SLC4A5: variants seen among roughly 807,000 people sequenced by gnomAD.
SLC4A5 encodes the protein electrogenic sodium bicarbonate cotransporter 4.
In SLC4A5, 96 loss-of-function variants were observed where a neutral mutation model predicts 120.4. The observed-to-expected ratio is 0.80, with a 90% CI of 0.68 to 0.94. The LOEUF is 0.94. SLC4A5 is among the 40% of genes least tolerant of loss of function. SLC4A5 has a pLI of 0.00. For synonymous variants in SLC4A5, 550 were observed against 571.1 expected, an observed-to-expected ratio of 0.96 and a Z score of 0.53; for missense variants, 1,259 against 1,459.5, an observed-to-expected ratio of 0.86 and a Z score of 2.24.
chr2:74,331,221 T>C (rs979340448), intron 4 of SLC4A5, among the ~76,000 whole-genome samples: 2 of 150,730 alleles, frequency 1.3e-5, no homozygotes, highest in East Asian at 1.9e-4. Context: ...TGGTGAGGTA[T>C]AGGTGAGGGT....
chr2:74,296,135 G>A (rs1672316647), intron 7 of SLC4A5, among the ~76,000 whole-genome samples: 1 of 151,998 alleles, frequency 6.6e-6, no homozygotes, highest in African/African-American at 2.4e-5. Context: ...CTTGAGTTTT[G>A]TTTTTGTTTT....
At chr2:74,289,663 C>A (rs1240941280) in intron 7 of SLC4A5, among the ~76,000 whole-genome samples, 1 of 152,008 alleles carries the variant, frequency 6.6e-6, no homozygotes, top group African/African-American at 2.4e-5. Context: ...TGATTGCTGG[C>A]GCTTGCTAGC....
exon 29 of SLC4A5, chr2:74,222,931 C>G (rs36081793): frequency 6.2e-7 from 1 of 1,612,360 alleles, no homozygotes; most frequent in Non-Finnish European, 8.5e-7. Flanking sequence ...ATCTTTATAA[C>G]CGAGGGAGGA....
intron 12 of SLC4A5, among the ~76,000 whole-genome samples, chr2:74,256,301 T>G (rs1670963126): frequency 6.6e-6 from 1 of 152,192 alleles, no homozygotes; most frequent in Non-Finnish European, 1.5e-5. Context: ...GTCTCAGTGC[T>G]TCTACCTCAG....
chr2:74,329,717 T>C (rs922301351), intron 4 of SLC4A5, among the ~76,000 whole-genome samples: 2 of 151,254 alleles, frequency 1.3e-5, no homozygotes, highest in African/African-American at 4.9e-5. Context: ...GAGATGTATA[T>C]GGTGGTATGG....
rs146199069 is a variant in SLC4A5, at chr2:74,291,904, C to T, written c.272-6002G>A. Among the ~76,000 whole-genome samples, 458 of 152,300 alleles carry T rather than the reference C, an allele frequency of 3.0e-3. 1 individual carries two copies. Among genetic ancestry groups the T allele is most frequent in the African/African-American group, 0.01 (422 of 41,556 alleles). ...GCTCCTTCTGAGTGGCCACAGCAGG[C>T]CACACCAAGTCAGGCCCTGTGGGTG... On this transcript the variant is annotated intron_variant, in intron 7 of 30. Transcript: ENST00000394019.
intron 5 of SLC4A5, among the ~76,000 whole-genome samples, chr2:74,315,605 TATA>T (rs1390482535): frequency 6.7e-6 from 1 of 150,248 alleles, no homozygotes; most frequent in African/African-American, 2.4e-5. Flanking sequence ...ATTATGCTTA[TATA>T]ATAATATATA....
chr2:74,277,943 C>A, intron 8 of SLC4A5, among the ~76,000 whole-genome samples: 1 of 151,494 alleles, frequency 6.6e-6, no homozygotes, highest in Non-Finnish European at 1.5e-5. Context: ...CAAAAGCAAA[C>A]AAAAAAAGTG....
rs143084298 is a variant in SLC4A5 at position 74,262,147 on chromosome 2, G to A, written c.801C>T (p.Tyr267=). 3.8e-4 allele frequency: 609 copies of A among 1,613,542 alleles called. 1 individual carries two copies. Among genetic ancestry groups the A allele is most frequent in the Admixed American group, 1.8e-3 (106 of 60,000 alleles). The change falls in exon 11 of 31, where the codon TAC becomes TAT. Residue 267 remains tyrosine (Y), a synonymous_variant. Coordinates refer to ENST00000394019, the Ensembl canonical transcript of SLC4A5. ...AGAGCACACACTCACACAGACGTCC[G>A]TAATTTGCACTCTGCCGCATCCGCA... is the stretch of plus-strand genomic sequence containing the variant.
chr2:74,262,350 C>T, intron 10 of SLC4A5, 118 bp from the exon 11 acceptor site: 16 of 515,768 alleles, frequency 3.1e-5, no homozygotes, highest in Middle Eastern at 3.6e-4. Context: ...TCTTCCCCTT[C>T]TGGGAAGAAA....
rs1322200902 is a variant in SLC4A5, at chr2:74,270,342, G to A, written c.402-5078C>T. ...TCCATAGCAATGGTTTTCAACCTTG[G>A]CTGTCCATTAGAATAACTTGGAGAG... On this transcript the variant is annotated intron_variant, in intron 8 of 30. Coordinates refer to ENST00000394019, the Ensembl canonical transcript of SLC4A5. Among the ~76,000 whole-genome samples the A allele has an allele frequency of 2.6e-5, 4 of 152,304 alleles. No individual in the cohort carries two copies. In the East Asian group the frequency reaches 7.7e-4, roughly 29 times the overall value.
chr2:74,292,482 G>T (rs1672204428), intron 7 of SLC4A5, among the ~76,000 whole-genome samples: 1 of 152,164 alleles, frequency 6.6e-6, no homozygotes, highest in Non-Finnish European at 1.5e-5. Flanking sequence ...CAGCACGTCA[G>T]AAGTTAATCC....
At chr2:74,236,763 AC>A (rs141338955) in intron 21 of SLC4A5, among the ~76,000 whole-genome samples, 1 of 152,292 alleles carries the variant, frequency 6.6e-6, no homozygotes, top group East Asian at 1.9e-4. Flanking sequence ...GTAGGTTGAA[AC>A]AGTCAAATAT....
intron 6 of SLC4A5, chr2:74,307,243 G>C (rs1672671660): frequency 1.9e-6 from 1 of 520,162 alleles, no homozygotes; most frequent in African/African-American, 1.9e-5. Context: ...TTCTGAGGCA[G>C]CTAATCATAT....
intron 11 of SLC4A5, 138 bp downstream of exon 11, chr2:74,261,999 T>C (rs1197438319): frequency 5.9e-6 from 4 of 683,452 alleles, no homozygotes; most frequent in Non-Finnish European, 9.6e-6. Flanking sequence ...AGAGTGAAAG[T>C]TAGGCTCCTC....
intron 25 of SLC4A5, 57 bp downstream of exon 25, chr2:74,231,179 G>T: frequency 6.5e-7 from 1 of 1,530,728 alleles, no homozygotes; most frequent in Non-Finnish European, 8.9e-7. Flanking sequence ...CCCTGCCTAA[G>T]GCATCCGCTC....
chr2:74,295,463 G>A (rs1483016949), intron 7 of SLC4A5, among the ~76,000 whole-genome samples: 1 of 151,854 alleles, frequency 6.6e-6, no homozygotes, highest in Non-Finnish European at 1.5e-5. Flanking sequence ...GTGAAACCCC[G>A]CCTCTGATAA....
exon 31 of SLC4A5, chr2:74,218,509 T>C (rs1694513158): frequency 6.6e-6 from 1 of 152,270 alleles, no homozygotes; most frequent in Non-Finnish European, 1.5e-5. Flanking sequence ...CAGTTTTCTA[T>C]AGGCAGACGG....
At chr2:74,272,504 T>C (rs767603179) in intron 8 of SLC4A5, among the ~76,000 whole-genome samples, 9 of 152,096 alleles carry the variant, frequency 5.9e-5, no homozygotes, top group Middle Eastern at 6.8e-3. Flanking sequence ...GGTATTAGAG[T>C]TGGGGAAGCA....
Sources: allele counts gnomAD v4.1 joint callset (sites outside exome capture counted in the v4.1 genomes callset), GRCh38; gene constraint gnomAD v4.1.1; transcripts MANE v1.5; gene names NCBI Gene and HGNC (gene_info 2026-07-23, HGNC 2026-07-21).